ENTPD4: variants seen among roughly 807,000 people sequenced by gnomAD.
ENTPD4 encodes the protein ectonucleoside triphosphate diphosphohydrolase 4, also known as Golgi UDPase.
ENTPD4 carries 60 observed loss-of-function variants against 79.1 expected under a neutral mutation model. The ratio of observed to expected loss-of-function variants is 0.76; its 90% confidence interval spans 0.62 to 0.94. The LOEUF (loss-of-function observed/expected upper bound fraction) is 0.94. Ranked by LOEUF, ENTPD4 falls within the 40% of genes least tolerant of loss-of-function variation. The pLI is 0.00. For missense variants in ENTPD4, 772 were observed against 775.1 expected (o/e 1.00, Z 0.05); for synonymous variants, 276 against 292.0 (o/e 0.95, Z 0.56).
chr8:23,449,075 T>C (rs916745885), intron 2 of ENTPD4, 136 bp from the exon 3 acceptor site: 1 of 654,168 alleles, frequency 1.5e-6, no homozygotes, highest in Non-Finnish European at 2.6e-6. Flanking sequence ...TACTGGCATC[T>C]TGCATATGCT....
intron 6 of ENTPD4, among the ~76,000 whole-genome samples, chr8:23,442,566 C>T (rs978804152): frequency 6.6e-6 from 1 of 152,012 alleles, no homozygotes; most frequent in African/African-American, 2.4e-5. Context: ...GCCTGTAGTC[C>T]CAGCTATTCG....
rs527331378 is a variant in ENTPD4, at chr8:23,452,207, C to T, written c.-97-2210G>A. Among the ~76,000 whole-genome samples the T allele has an allele frequency of 2.0e-5, 3 of 152,312 alleles. No homozygotes were observed. In the South Asian group the frequency reaches 6.2e-4, roughly 32 times the overall value. On this transcript the variant is annotated intron_variant, in intron 1 of 12. Transcript: ENST00000358689. ...CTCTTCCCCCAGAATGGGAGCTCCC[C>T]CAGGCCCAGGTTTTGGTCTGCTCAG...
intron 2 of ENTPD4, 30 bp from the exon 3 acceptor site, chr8:23,448,969 C>G (rs1441132367): frequency 6.4e-7 from 1 of 1,552,392 alleles, no homozygotes; most frequent in South Asian, 1.1e-5. Flanking sequence ...GATTTTAAAG[C>G]AATCTGCTCC....
chr8:23,438,207 G>C (rs1415627781), intron 9 of ENTPD4, among the ~76,000 whole-genome samples: 1 of 152,232 alleles, frequency 6.6e-6, no homozygotes, highest in African/African-American at 2.4e-5. Flanking sequence ...AGTGATGTTG[G>C]TGTTGGATAC....
chr8:23,446,646 C>A (rs1461979071), intron 4 of ENTPD4, among the ~76,000 whole-genome samples: 1 of 152,128 alleles, frequency 6.6e-6, no homozygotes, highest in African/African-American at 2.4e-5. Flanking sequence ...CCTAGCTGCC[C>A]ATACATCAAA....
intron 1 of ENTPD4, among the ~76,000 whole-genome samples, chr8:23,456,673 T>C (rs1291963551): frequency 6.6e-6 from 1 of 152,224 alleles, no homozygotes; most frequent in Admixed American, 6.5e-5. Flanking sequence ...ATAATTCTAC[T>C]ATGTCAAACA....
rs748044068 is a variant in ENTPD4, at chr8:23,444,466, G to A, written c.553C>T (p.Leu185Phe). The A allele has an allele frequency of 3.7e-6, 6 of 1,613,880 alleles. No individual in the cohort carries two copies. The highest frequency in any genetic ancestry group is 1.1e-5 in the South Asian group (1 of 91,062). The change falls in exon 5 of 13, where the codon CTC becomes TTC. Residue 185 changes from leucine (L) to phenylalanine (F), a missense_variant. Physicochemically the swap from Leu to Phe is conservative, Grantham distance 22. Transcript: ENST00000358689. Reference sequence around the variant, plus strand: ...TCTGTGGAGGATCACCTTTCGGGGAGGATTCTCATTCCAGCCGTGCAGAGA... The same window carrying A: ...TCTGTGGAGGATCACCTTTCGGGGAAGATTCTCATTCCAGCCGTGCAGAGA... ...YILCTAGMRI[L>F]PESQQKAILE...
chr8:23,429,422 C>G lies in ENTPD4; in HGVS notation c.*3504G>C, dbSNP rs1800417291. The G allele has an allele frequency of 5.1e-6, 5 of 984,956 alleles. No individual in the cohort carries two copies. The South Asian group carries it at 1.9e-4, about 37-fold the overall frequency. 61.0% of individuals were successfully genotyped at this position (984,956 alleles called of 1,614,324 possible). ...ACATCATTCATTATTGAAAGGGAAA[C>G]TTAGTATCAAAAGAAACAAAACACT... is the stretch of plus-strand genomic sequence containing the variant. On this transcript the variant is annotated 3_prime_UTR_variant, in exon 13 of 13. Transcript: ENST00000358689.
intron 12 of ENTPD4, 100 bp from the exon 13 acceptor site, chr8:23,433,254 C>CT: frequency 1.1e-6 from 1 of 921,642 alleles, no homozygotes; most frequent in East Asian, 2.6e-5. Context: ...CAGAGCTGCA[C>CT]TTTAGGAACT....
At chr8:23,449,830 C>A (rs776327006) in intron 2 of ENTPD4, 63 bp downstream of exon 2, 2 of 1,419,032 alleles carry the variant, frequency 1.4e-6, no homozygotes, top group South Asian at 1.1e-5. Context: ...TTTTTTTTCT[C>A]TCAAGACCTG....
In ENTPD4 at chr8:23,447,736, T is replaced by G; in HGVS notation, c.356A>C (p.Asp119Ala). 6.2e-7 allele frequency: 1 copy of G among 1,614,194 alleles called. No individual in the cohort carries two copies. Among genetic ancestry groups the G allele is most frequent in the Middle Eastern group, 1.6e-4 (1 of 6,062 alleles). The stretch of plus-strand genomic sequence containing the variant: ...GTTTTTATCCCTCATTTGCCTGATA[T>G]CCAACAGATCATGTGGATTGCCATT... ...RHNGNPHDLL[D>A]IRQMRDKNRK... The change falls in exon 4 of 13, where the codon GAT becomes GCT. Residue 119 changes from aspartate to alanine, a missense_variant. Coordinates refer to ENST00000358689, the MANE Select transcript of ENTPD4 (RefSeq NM_004901.5).
At chr8:23,442,372 T>C (rs1053769423) in intron 6 of ENTPD4, among the ~76,000 whole-genome samples, 6 of 152,212 alleles carry the variant, frequency 3.9e-5, no homozygotes, top group African/African-American at 1.4e-4. Context: ...GTTAAACCTG[T>C]CAAATCCAAG....
rs576436084 is a variant in ENTPD4 at position 23,446,679 on chromosome 8, T to C, written c.412+1001A>G. On this transcript the variant is annotated intron_variant, in intron 4 of 12. Transcript: ENST00000358689. ...AAAGGATAATCAACTTGTTGAGGGC[T>C]GCCTGAAGGAGGAGGTGGGGTCTGA... Among the ~76,000 whole-genome samples, 134 of 152,302 alleles carry C rather than the reference T, an allele frequency of 8.8e-4. 1 individual carries two copies. The highest frequency in any genetic ancestry group is 1.6e-3 in the Non-Finnish European group (107 of 68,036).
At position 23,433,142 on chromosome 8, in the gene ENTPD4, C is replaced by T. The variant is rs776093882; in HGVS notation, c.1635G>A (p.Gln545=). 1.2e-6 allele frequency: 2 copies of T among 1,614,112 alleles called. No individual in the cohort carries two copies. Among genetic ancestry groups the T allele is most frequent in the South Asian group, 2.2e-5 (2 of 91,082 alleles). ...TRFLPLRDIQ[Q]EAFRASHTHW... The stretch of plus-strand genomic sequence containing the variant: ...GGGTGTGACTGGCTCGGAAGGCCTC[C>T]TGCTGGATGTCTCTGCCCATGTGAA... Residue 545 remains glutamine (Q), a synonymous_variant, in exon 13 of 13, where the codon CAG becomes CAA. Coordinates refer to ENST00000358689, the MANE Select transcript of ENTPD4 (RefSeq NM_004901.5).
At chr8:23,433,290 C>A (rs868096738) in intron 12 of ENTPD4, 136 bp from the exon 13 acceptor site, 2 of 661,386 alleles carry the variant, frequency 3.0e-6, no homozygotes, top group Non-Finnish European at 5.2e-6. Flanking sequence ...AAATGGAGAA[C>A]GGAACAGCCC....
At chr8:23,438,443 G>A (rs1409269765) in intron 9 of ENTPD4, among the ~76,000 whole-genome samples, 1 of 152,168 alleles carries the variant, frequency 6.6e-6, no homozygotes, top group Non-Finnish European at 1.5e-5. Flanking sequence ...TACAAATGGC[G>A]AAGAGATAAA....
intron 7 of ENTPD4, 134 bp downstream of exon 7, chr8:23,441,873 C>G: frequency 8.9e-7 from 1 of 1,121,044 alleles, no homozygotes; most frequent in Non-Finnish European, 1.3e-6. Context: ...GAATTACGTT[C>G]AACTGCAGCT....
chr8:23,450,920 G>A (rs78948208), intron 1 of ENTPD4, among the ~76,000 whole-genome samples: 4,145 of 151,884 alleles, frequency 0.027, 194 homozygotes, highest in African/African-American at 0.095. Flanking sequence ...CTCTGCCCCC[G>A]CAGTCCCAAT....
Position 23,431,301 on chromosome 8 carries a change from C to A in ENTPD4, c.*1625G>T, listed in dbSNP as rs1183494398. On this transcript the variant is annotated 3_prime_UTR_variant, in exon 13 of 13. Coordinates refer to ENST00000358689, the MANE Select transcript of ENTPD4 (RefSeq NM_004901.5). The stretch of plus-strand genomic sequence containing the variant: ...CCTCAGTTATCTGTTATAGCAACAA[C>A]CCCACTTCTGGGTACTAATCTGCTA... 17 of 972,824 alleles carry A rather than the reference C, an allele frequency of 1.7e-5. No homozygotes were observed. Among genetic ancestry groups the A allele is most frequent in the Non-Finnish European group, 2.0e-5 (16 of 818,726 alleles). The allele number at this position is 972,824 out of a possible 1,614,324, so 60.3% of individuals were successfully genotyped here.
Sources: allele counts gnomAD v4.1 joint callset (sites outside exome capture counted in the v4.1 genomes callset), GRCh38; gene constraint gnomAD v4.1.1; transcripts MANE v1.5; gene names NCBI Gene and HGNC (gene_info 2026-07-23, HGNC 2026-07-21).